ABCG8: variants seen among roughly 807,000 people sequenced by gnomAD.
ABCG8 encodes the protein ATP binding cassette subfamily G member 8, also known as ATP-binding cassette sub-family G member 8.
Under a neutral mutation model 71.3 loss-of-function variants are expected in ABCG8, and 81 were observed. The ratio of observed to expected loss-of-function variants is 1.14; its 90% CI spans 0.95 to 1.37. ABCG8 has a LOEUF of 1.37. Among genes scored for constraint, ABCG8 ranks in the 40% most tolerant of loss-of-function variants. The probability of loss-of-function intolerance (pLI) is 0.00; values close to 1 mark genes in which losing one functional copy is unlikely to be tolerated. For missense variants in ABCG8, 1,119 were observed against 866.2 expected (o/e 1.29, Z -3.66); for synonymous variants, 451 against 354.7 (o/e 1.27, Z -3.05).
intron 3 of ABCG8, among the ~76,000 whole-genome samples, chr2:43,851,193 G>A (rs986316606): frequency 6.6e-6 from 1 of 152,204 alleles, no homozygotes; most frequent in Non-Finnish European, 1.5e-5. Flanking sequence ...GCCAAAAATA[G>A]TTATGTTAAC....
intron 6 of ABCG8, among the ~76,000 whole-genome samples, chr2:43,865,928 T>G (rs2104937842): frequency 6.6e-6 from 1 of 152,278 alleles, no homozygotes; most frequent in East Asian, 1.9e-4. Flanking sequence ...TGACTATCTA[T>G]CTGGATAGAA....
rs753008827 is a variant in ABCG8 at position 43,882,270 on chromosome 2, CTT to C, written c.*4358_*4359del. 1 of 152,238 alleles carries C rather than the reference CTT, an allele frequency of 6.6e-6. No homozygotes were observed. Among genetic ancestry groups the C allele is most frequent in the Non-Finnish European group, 1.5e-5 (1 of 68,058 alleles). 9.4% of individuals were successfully genotyped at this position (152,238 alleles called of 1,614,324 possible). On this transcript the variant is annotated 3_prime_UTR_variant, in exon 13 of 13. Transcript: ENST00000272286. ...GCTTTTGTTTTCTTCTACTTCAACT[CTT>C]GTCATGATCCCAAATTAAACAACTA...
rs1558864310 is a variant in ABCG8, at chr2:43,877,653, C to G, written c.1849C>G (p.Leu617Val). 1 of 1,614,108 alleles carries G rather than the reference C, an allele frequency of 6.2e-7. No homozygotes were observed. Among genetic ancestry groups the G allele is most frequent in the Non-Finnish European group, 8.5e-7 (1 of 1,180,020 alleles). The change falls in exon 12 of 13, where the codon CTC becomes GTC. Residue 617 changes from leucine (L) to valine (V), a missense_variant. Coordinates refer to ENST00000272286, the MANE Select transcript of ABCG8 (RefSeq NM_022437.3). ...QFSRRTYKMP[L>V]GNLTIAVSGD... ...CAGCAGAAGAACTTATAAAATGCCTCTCGGGAACCTCACCATCGCGGTCTC... is the reference window on the plus strand; with the variant it reads ...CAGCAGAAGAACTTATAAAATGCCTGTCGGGAACCTCACCATCGCGGTCTC...
chr2:43,845,098 G>GTA (rs5830773), intron 2 of ABCG8, among the ~76,000 whole-genome samples: 1,993 of 130,082 alleles, frequency 0.015, 29 homozygotes, highest in African/African-American at 0.041. Context: ...GTGTGTGTGT[G>GTA]TATATATATA....
At chr2:43,839,450 G>A (rs368377448) in intron 1 of ABCG8, among the ~76,000 whole-genome samples, 3 of 71,930 alleles carry the variant, frequency 4.2e-5, no homozygotes, top group East Asian at 3.4e-4. Flanking sequence ...TTTTTGAGAC[G>A]GAGTCTCGCT....
At chr2:43,844,381 T>C (rs1233718763) in intron 1 of ABCG8, 126 bp from the exon 2 acceptor site, 2 of 750,914 alleles carry the variant, frequency 2.7e-6, no homozygotes, top group Non-Finnish European at 4.7e-6. Context: ...ATCCCATCTG[T>C]TGCCAATTTG....
At position 43,852,653 on chromosome 2, in the gene ABCG8, A is replaced by G. The variant is rs1444249475; in HGVS notation, c.749A>G (p.Asn250Ser). The stretch of plus-strand genomic sequence containing the variant: ...GGGCTCGACAGCTTCACAGCCCACA[A>G]CCTGGTGAAGACCTTGTCCAGGCTG... Reference protein sequence around the residue: ...TSGLDSFTAHNLVKTLSRLAK... With the variant: ...TSGLDSFTAHSLVKTLSRLAK... The change falls in exon 6 of 13, where the codon AAC (asparagine) becomes AGC (serine). Residue 250 changes from asparagine (N) to serine (S), a missense_variant. Transcript: ENST00000272286. 10 of 1,613,990 alleles carry G rather than the reference A, an allele frequency of 6.2e-6. No individual in the cohort carries two copies. In the African/African-American group the frequency reaches 6.7e-5, roughly 11 times the overall value.
Position 43,880,214 on chromosome 2 carries a change from C to T in ABCG8, c.*2301C>T, listed in dbSNP as rs538735499. On this transcript the variant is annotated 3_prime_UTR_variant, in exon 13 of 13. Transcript: ENST00000272286. ...TTTGAGACAGAATCTCATTCTGTGG[C>T]CCAGGCTGGAGTGCAATGGCGCGAT... The T allele has an allele frequency of 6.3e-5, 9 of 143,050 alleles. No individual in the cohort carries two copies. Among genetic ancestry groups the T allele is most frequent in the African/African-American group, 2.3e-4 (9 of 38,572 alleles). 8.9% of individuals were successfully genotyped at this position (143,050 alleles called of 1,614,324 possible).
At chr2:43,859,929 C>G (rs181849449) in intron 6 of ABCG8, among the ~76,000 whole-genome samples, 121 of 151,320 alleles carry the variant, frequency 8.0e-4, no homozygotes, top group African/African-American at 2.8e-3. Context: ...CTCTCATTAT[C>G]TGTCTGGAGA....
At chr2:43,875,002 T>C in intron 10 of ABCG8, 144 bp from the exon 11 acceptor site, 4 of 1,182,466 alleles carry the variant, frequency 3.4e-6, no homozygotes, top group Non-Finnish European at 4.8e-6. Flanking sequence ...CTCATGCTCC[T>C]GGGTCCCAGC....
chr2:43,857,219 ACTAT>A (rs1364841433), intron 6 of ABCG8, among the ~76,000 whole-genome samples: 5 of 148,416 alleles, frequency 3.4e-5, no homozygotes, highest in East Asian at 3.9e-4. Flanking sequence ...AAAACTCTTA[ACTAT>A]CTGTCTGGAT....
Position 43,877,934 on chromosome 2 carries a change from G to A in ABCG8, c.*21G>A, listed in dbSNP as rs373952799. ...GGTGATTCACGCCAGACGTCTGCCC[G>A]CTGGTGGGGGACCTGAGCAGACCCT... On this transcript the variant is annotated 3_prime_UTR_variant, in exon 13 of 13. Coordinates refer to ENST00000272286, the MANE Select transcript of ABCG8 (RefSeq NM_022437.3). 304 of 1,614,082 alleles carry A rather than the reference G, an allele frequency of 1.9e-4. No individual in the cohort carries two copies. Among genetic ancestry groups the A allele is most frequent in the Middle Eastern group, 1.2e-3 (7 of 6,036 alleles).
At position 43,879,468 on chromosome 2, in the gene ABCG8, G is replaced by T. The variant is rs571309199; in HGVS notation, c.*1555G>T. ...ACCCAGGCTCAATGAGTCAGAGTCT[G>T]CGTCTTAAGAAGACCCCCTGGTGAT... On this transcript the variant is annotated 3_prime_UTR_variant, in exon 13 of 13. Transcript: ENST00000272286. 2.0e-4 allele frequency: 31 copies of T among 152,284 alleles called. No individual in the cohort carries two copies. The highest frequency in any genetic ancestry group is 7.2e-4 in the African/African-American group (30 of 41,548). The allele number at this position is 152,284 out of a possible 1,614,324, so 9.4% of individuals were successfully genotyped here. A position where few individuals can be genotyped will look rare whatever the true frequency, so the allele number is the denominator to read the frequency against.
At chr2:43,849,498 C>G (rs779619939) in intron 3 of ABCG8, among the ~76,000 whole-genome samples, 4 of 152,136 alleles carry the variant, frequency 2.6e-5, no homozygotes, top group Non-Finnish European at 2.9e-5. Context: ...CAATCACCTC[C>G]CACCAGATCC....
intron 6 of ABCG8, among the ~76,000 whole-genome samples, chr2:43,867,085 C>G (rs1484313329): frequency 6.6e-6 from 1 of 151,536 alleles, no homozygotes; most frequent in Non-Finnish European, 1.5e-5. Flanking sequence ...TCTCAGTAAA[C>G]TATCGCAAGA....
intron 6 of ABCG8, among the ~76,000 whole-genome samples, chr2:43,867,714 T>G (rs1558841319): frequency 6.7e-6 from 1 of 149,678 alleles, no homozygotes; most frequent in Non-Finnish European, 1.5e-5. Flanking sequence ...TGGATAGAAC[T>G]CTCCGTATCA....
At chr2:43,860,242 C>G (rs1454806624) in intron 6 of ABCG8, among the ~76,000 whole-genome samples, 3 of 150,872 alleles carry the variant, frequency 2.0e-5, no homozygotes, top group African/African-American at 7.3e-5. Flanking sequence ...GTAGAATTCT[C>G]ATGATCTGGA....
chr2:43,851,882 G>T, intron 4 of ABCG8, 60 bp downstream of exon 4: 1 of 1,561,620 alleles, frequency 6.4e-7, no homozygotes, highest in East Asian at 2.2e-5. Flanking sequence ...TCCATGCCCC[G>T]CTCCTCCCCT....
chr2:43,872,344 T>C, intron 8 of ABCG8, 38 bp downstream of exon 8: 4 of 1,583,690 alleles, frequency 2.5e-6, no homozygotes, highest in Non-Finnish European at 3.4e-6. Context: ...CCCGCCCCCC[T>C]GCCCAAGTCT....
Sources: gnomAD v4.1 joint callset for allele counts (sites outside exome capture counted in the v4.1 genomes callset) on GRCh38, gnomAD v4.1.1 for gene constraint, MANE v1.5 for transcripts, NCBI Gene and HGNC (gene_info 2026-07-23, HGNC 2026-07-21) for gene names.